Variants in TRPC7 observed in about 807,000 individuals in gnomAD.
TRPC7 encodes short transient receptor potential channel 7.
In TRPC7, 42 loss-of-function variants were observed where a neutral mutation model predicts 90.1. The observed-to-expected ratio is 0.47, with a 90% CI of 0.36 to 0.60. The LOEUF (loss-of-function observed/expected upper bound fraction) is 0.60. Ranked by LOEUF, TRPC7 falls within the 20% of genes least tolerant of loss-of-function variation. The pLI is 0.00. For missense variants in TRPC7, 955 were observed against 1,112.3 expected (o/e 0.86, Z 2.01); for synonymous variants, 451 against 436.3 (o/e 1.03, Z -0.42).
At chr5:136,306,914 C>G (rs559599642) in intron 3 of TRPC7, among the ~76,000 whole-genome samples, 6 of 152,328 alleles carry the variant, frequency 3.9e-5, no homozygotes, top group Admixed American at 3.9e-4. Flanking sequence ...ATCCACCACC[C>G]TTCGCTGACT....
intron 10 of TRPC7, among the ~76,000 whole-genome samples, chr5:136,224,500 C>T (rs377531562): frequency 6.6e-6 from 1 of 152,126 alleles, no homozygotes; most frequent in African/African-American, 2.4e-5. Context: ...TCGCCCTCCC[C>T]ATATGTGCCC....
At chr5:136,259,041 A>G (rs190767492) in intron 5 of TRPC7, among the ~76,000 whole-genome samples, 4 of 152,358 alleles carry the variant, frequency 2.6e-5, no homozygotes, top group African/African-American at 7.2e-5. Flanking sequence ...TTAATAGATC[A>G]AAAATGTTCT....
chr5:136,258,892 C>T (rs1314709542), intron 5 of TRPC7, among the ~76,000 whole-genome samples: 1 of 152,218 alleles, frequency 6.6e-6, no homozygotes, highest in Non-Finnish European at 1.5e-5. Context: ...TTTGAACTCG[C>T]AGGAGAGAGA....
intron 7 of TRPC7, among the ~76,000 whole-genome samples, chr5:136,238,822 G>A (rs1051443492): frequency 6.6e-6 from 1 of 152,138 alleles, no homozygotes; most frequent in Non-Finnish European, 1.5e-5. Context: ...ATAAACATGA[G>A]AAGAATGTAT....
intron 3 of TRPC7, among the ~76,000 whole-genome samples, chr5:136,301,111 C>A (rs182383622): frequency 4.4e-4 from 67 of 152,064 alleles, no homozygotes; most frequent in Non-Finnish European, 1.2e-4. Flanking sequence ...CTCACTGCAA[C>A]CTCTGCCTCT....
chr5:136,225,338 G>T lies in TRPC7; in HGVS notation c.2279C>A (p.Ala760Asp). The T allele has an allele frequency of 1.2e-6, 2 of 1,612,798 alleles. No individual in the cohort carries two copies. The highest frequency in any genetic ancestry group is 8.5e-7 in the Non-Finnish European group (1 of 1,179,526). The change falls in exon 10 of 12, where the codon GCT becomes GAT. Residue 760 changes from alanine (A) to aspartate (D), a missense_variant. Transcript: ENST00000513104. Reference protein sequence around the residue: ...NSKFKKTRYQAGMRNSENLTA... With the variant: ...NSKFKKTRYQDGMRNSENLTA... ...CAGATTTTCAGAATTCCTCATGCCA[G>T]CCTGGTAGCGAGTCTTCTGGATAAA...
intron 10 of TRPC7, among the ~76,000 whole-genome samples, chr5:136,219,445 C>T (rs1755379561): frequency 6.6e-6 from 1 of 152,220 alleles, no homozygotes; most frequent in Non-Finnish European, 1.5e-5. Context: ...TCAGGGAGAG[C>T]AGTGTGACTG....
Position 136,329,236 on chromosome 5 carries a change from A to G in TRPC7, c.781-13457T>C, listed in dbSNP as rs905222251. Among the ~76,000 whole-genome samples, 3 of 152,248 alleles carry G rather than the reference A, an allele frequency of 2.0e-5. No individual in the cohort carries two copies. In the East Asian group the frequency reaches 5.8e-4, roughly 29 times the overall value. On this transcript the variant is annotated intron_variant, in intron 2 of 11. Coordinates refer to ENST00000513104, the MANE Select transcript of TRPC7 (RefSeq NM_020389.3). ...GCTTGAGGACAAACACTGTCTTTCA[A>G]GGAAACGACTCAGGTATTTTATTAG...
chr5:136,293,474 C>G (rs1209870760), intron 3 of TRPC7, among the ~76,000 whole-genome samples: 4 of 152,134 alleles, frequency 2.6e-5, no homozygotes, highest in Admixed American at 2.0e-4. Flanking sequence ...GCAAAAATCA[C>G]AAGCATTCTT....
At chr5:136,288,927 C>T (rs999233834) in intron 3 of TRPC7, among the ~76,000 whole-genome samples, 4 of 152,186 alleles carry the variant, frequency 2.6e-5, no homozygotes, top group Admixed American at 2.6e-4. Context: ...GTAACTGATG[C>T]TAATGGATTT....
intron 3 of TRPC7, among the ~76,000 whole-genome samples, chr5:136,309,083 C>T (rs1450396677): frequency 6.6e-6 from 1 of 152,098 alleles, no homozygotes; most frequent in Non-Finnish European, 1.5e-5. Flanking sequence ...TGAAATGGTC[C>T]CCCATCCCCT....
chr5:136,229,865 T>C (rs1030573371), intron 8 of TRPC7, among the ~76,000 whole-genome samples: 6 of 152,256 alleles, frequency 3.9e-5, no homozygotes, highest in African/African-American at 1.4e-4. Flanking sequence ...TCTCTCCTTT[T>C]ATTCCCTTCC....
At chr5:136,228,745 A>G (rs1260984038) in intron 8 of TRPC7, among the ~76,000 whole-genome samples, 2 of 152,120 alleles carry the variant, frequency 1.3e-5, no homozygotes, top group African/African-American at 4.8e-5. Context: ...GTTTACAAAT[A>G]TTTGCATCAT....
chr5:136,272,188 G>T (rs1310497980), intron 4 of TRPC7, among the ~76,000 whole-genome samples: 1 of 152,214 alleles, frequency 6.6e-6, no homozygotes, highest in Non-Finnish European at 1.5e-5. Flanking sequence ...TCTCTGAAAT[G>T]ACATTGTCCT....
intron 3 of TRPC7, chr5:136,314,083 G>A (rs1249742591): frequency 6.6e-6 from 1 of 152,218 alleles, no homozygotes; most frequent in Non-Finnish European, 1.5e-5. Flanking sequence ...TTGAAGTTGT[G>A]CATAATTAGC....
chr5:136,215,199 G>A (rs986155203), intron 11 of TRPC7, among the ~76,000 whole-genome samples: 24 of 152,156 alleles, frequency 1.6e-4, no homozygotes, highest in South Asian at 8.3e-4. Context: ...AGAAGCAAGC[G>A]GCGGCAGACC....
rs574460284 is a variant in TRPC7 at position 136,324,607 on chromosome 5, C to T, written c.781-8828G>A. Among the ~76,000 whole-genome samples the T allele has an allele frequency of 9.2e-5, 14 of 152,240 alleles. No homozygotes were observed. In the South Asian group the frequency reaches 2.9e-3, roughly 32 times the overall value. On this transcript the variant is annotated intron_variant, in intron 2 of 11. Transcript: ENST00000513104. ...TTTCTAGCCCTAATATGGAGGATGA[C>T]TCCAAACCATCTATCAAGACATGTT...
At position 136,357,350 on chromosome 5, in the gene TRPC7, C is replaced by T. The variant is rs143761375; in HGVS notation, c.38G>A (p.Arg13Gln). Residue 13 changes from arginine to glutamine, a missense_variant, in exon 2 of 12, where the codon CGG (arginine) becomes CAG (glutamine). This residue lies in a region of TRPC7 where 161 missense variants were observed against 145.7 expected (regional missense o/e 1.10). Coordinates refer to ENST00000513104, the MANE Select transcript of TRPC7 (RefSeq NM_020389.3). ...GCCCTTCTCCCTCAGCGTTGTGTGC[C>T]GGCGCTGCATGTTTTTGAAGGTGCT... ...RNSTFKNMQR[R>Q]HTTLREKGRR... is the part of the protein sequence containing the mutation. The T allele has an allele frequency of 1.2e-6, 2 of 1,602,406 alleles. No individual in the cohort carries two copies. Among genetic ancestry groups the T allele is most frequent in the South Asian group, 1.1e-5 (1 of 91,002 alleles).
intron 3 of TRPC7, among the ~76,000 whole-genome samples, chr5:136,275,455 T>G (rs1006878520): frequency 7.2e-5 from 11 of 152,208 alleles, no homozygotes; most frequent in African/African-American, 2.7e-4. Flanking sequence ...CCAGAGGATG[T>G]GTTAAAACTC....
Sources: allele counts gnomAD v4.1 joint callset (sites outside exome capture counted in the v4.1 genomes callset), GRCh38; gene constraint gnomAD v4.1.1; regional missense constraint gnomAD v4.1.1; transcripts MANE v1.5; gene names NCBI Gene and HGNC (gene_info 2026-07-23, HGNC 2026-07-21).